SLC6A9: variants seen among roughly 807,000 people sequenced by gnomAD.
SLC6A9 encodes solute carrier family 6 member 9, also known as sodium- and chloride-dependent glycine transporter 1.
A neutral mutation model predicts 70.9 loss-of-function variants in SLC6A9; 31 were observed. The observed-to-expected ratio is 0.44, with a 90% CI of 0.33 to 0.59. The LOEUF is 0.59. Ranked by LOEUF, SLC6A9 falls within the 20% of genes least tolerant of loss-of-function variation. SLC6A9 has a pLI of 0.04. For missense variants in SLC6A9, 631 were observed against 845.2 expected (o/e 0.75, Z 3.14); for synonymous variants, 310 against 341.3 (o/e 0.91, Z 1.01).
At chr1:43,999,871 G>A (rs903868249) in intron 12 of SLC6A9, among the ~76,000 whole-genome samples, 1 of 152,112 alleles carries the variant, frequency 6.6e-6, no homozygotes, top group Non-Finnish European at 1.5e-5. Context: ...GTCCTCTGTG[G>A]AGTGACCATT....
chr1:44,027,173 T>C (rs1232498750), intron 1 of SLC6A9, among the ~76,000 whole-genome samples: 3 of 152,142 alleles, frequency 2.0e-5, no homozygotes, highest in Non-Finnish European at 4.4e-5. Flanking sequence ...TGTGGGCCAC[T>C]GTTGACAAGC....
Position 44,002,733 on chromosome 1 carries a change from CT to C in SLC6A9, c.724-88del. ...TGGCTCCCTAATCACCACCAGCCCC[CT>C]GGTCCCTCTCCGGCTCCGGAGTCCC... On this transcript the variant is annotated intron_variant, in intron 6 of 13. Coordinates refer to ENST00000372310, the MANE Select transcript of SLC6A9 (RefSeq NM_001024845.3). This position sits in a 1 kb window ranked among gnomAD's most constrained non-coding sequence, Gnocchi z 5.5. 2 of 1,597,098 alleles carry C rather than the reference CT, an allele frequency of 1.3e-6. No individual in the cohort carries two copies. Among genetic ancestry groups the C allele is most frequent in the South Asian group, 1.1e-5 (1 of 90,378 alleles).
intron 2 of SLC6A9, among the ~76,000 whole-genome samples, chr1:44,021,283 G>T (rs895189332): frequency 6.6e-6 from 1 of 152,198 alleles, no homozygotes; most frequent in African/African-American, 2.4e-5. Context: ...TGGCCAGCTG[G>T]GTTCTCGCAC....
At chr1:44,000,081 C>T (rs1264070479) in intron 12 of SLC6A9, among the ~76,000 whole-genome samples, 1 of 152,228 alleles carries the variant, frequency 6.6e-6, no homozygotes, top group Admixed American at 6.5e-5. Flanking sequence ...AATTACTTAA[C>T]ATCCCCATGC....
At chr1:44,025,469 G>T (rs2086965219) in intron 1 of SLC6A9, among the ~76,000 whole-genome samples, 1 of 150,776 alleles carries the variant, frequency 6.6e-6, no homozygotes, top group Non-Finnish European at 1.5e-5. Context: ...TCCAGCCTGG[G>T]CGACAGAGCA....
At chr1:44,003,515 G>A (rs1300261224) in intron 5 of SLC6A9, among the ~76,000 whole-genome samples, 1 of 152,144 alleles carries the variant, frequency 6.6e-6, no homozygotes, top group Non-Finnish European at 1.5e-5. Context: ...CCAGCACTTT[G>A]GGAGGCCGTG....
At chr1:44,030,876 G>A (rs1206902959) in intron 1 of SLC6A9, among the ~76,000 whole-genome samples, 1 of 152,094 alleles carries the variant, frequency 6.6e-6, no homozygotes, top group Non-Finnish European at 1.5e-5. Context: ...GTCGACCCCT[G>A]CAGGCCCCCA....
rs2086398863 is a variant in SLC6A9 at position 44,008,353 on chromosome 1, C to T, written c.590G>A (p.Arg197Lys). 6.2e-7 allele frequency: 1 copy of T among 1,613,994 alleles called. No homozygotes were observed. The highest frequency in any genetic ancestry group is 8.5e-7 in the Non-Finnish European group (1 of 1,179,912). The change falls in exon 5 of 14, where the codon AGG becomes AAG. Residue 197 changes from arginine (R) to lysine (K), a missense_variant and splice_region_variant. Arg to Lys is a conservative substitution (Grantham distance 26, BLOSUM62 2). Transcript: ENST00000372310. Reference sequence around the variant, plus strand: ...ACCCCAGGTCCTGCAGGTGCCTCACCTCCAGTACTCCTCGCTGGGGCTGGT... The same window carrying T: ...ACCCCAGGTCCTGCAGGTGCCTCACTTCCAGTACTCCTCGCTGGGGCTGGT... Reference protein sequence around the residue: ...QRTSPSEEYWRLYVLKLSDDI... With the variant: ...QRTSPSEEYWKLYVLKLSDDI...
chr1:44,021,846 G>A (rs534627956), intron 2 of SLC6A9, among the ~76,000 whole-genome samples: 1 of 152,272 alleles, frequency 6.6e-6, no homozygotes, highest in Non-Finnish European at 1.5e-5. Flanking sequence ...CTCAGAGGCT[G>A]TGTCTAGAGA....
rs944533151 is a variant in SLC6A9, at chr1:44,013,330, AG to A, written c.31-2449del. Among the ~76,000 whole-genome samples, 19 of 152,146 alleles carry A rather than the reference AG, an allele frequency of 1.2e-4. No individual in the cohort carries two copies. The highest frequency in any genetic ancestry group is 7.9e-4 in the Admixed American group (12 of 15,270). ...CCCTGAAGTCTGCTCCTTCCCTGGC[AG>A]GGGGAGGTACGGGGAAGGTGGTGAT... On this transcript the variant is annotated intron_variant, in intron 2 of 13. Coordinates refer to ENST00000372310, the MANE Select transcript of SLC6A9 (RefSeq NM_001024845.3). This position sits in a 1 kb window ranked among gnomAD's most constrained non-coding sequence, Gnocchi z 5.3.
intron 1 of SLC6A9, among the ~76,000 whole-genome samples, chr1:44,030,909 C>G (rs1037100777): frequency 1.3e-5 from 2 of 152,150 alleles, no homozygotes; most frequent in African/African-American, 4.8e-5. Context: ...ACTGGCTCCT[C>G]GGACGGACAG....
Position 43,997,984 on chromosome 1 carries a change from G to T in SLC6A9, c.1578C>A (p.Thr526=). The T allele has an allele frequency of 6.2e-7, 1 of 1,614,098 alleles. No homozygotes were observed. Among genetic ancestry groups the T allele is most frequent in the South Asian group, 1.1e-5 (1 of 91,082 alleles). The change falls in exon 13 of 14, where the codon ACC becomes ACA. Residue 526 remains threonine (T), a synonymous_variant. Coordinates refer to ENST00000372310, the MANE Select transcript of SLC6A9 (RefSeq NM_001024845.3). This position sits in a 1 kb window ranked among gnomAD's most constrained non-coding sequence, Gnocchi z 4.4. ...VFTVIQYQPI[T]YNHYQYPGWA... ...AGCCTGGGTACTGGTAGTGGTTGTA[G>T]GTGATCGGCTGGTACTGGATCACAG...
intron 12 of SLC6A9, among the ~76,000 whole-genome samples, chr1:43,999,687 G>A (rs955866934): frequency 3.9e-5 from 6 of 152,262 alleles, no homozygotes; most frequent in South Asian, 4.1e-4. Flanking sequence ...ACAACCTACC[G>A]GGTAGAGGCC....
At position 44,002,176 on chromosome 1, in the gene SLC6A9, T is replaced by C; in HGVS notation, c.962+137A>G. The C allele has an allele frequency of 3.0e-6, 2 of 667,852 alleles. No homozygotes were observed. Among genetic ancestry groups the C allele is most frequent in the Middle Eastern group, 5.4e-4 (2 of 3,698 alleles). 41.4% of individuals were successfully genotyped at this position (667,852 alleles called of 1,614,324 possible). A position where few individuals can be genotyped will look rare whatever the true frequency, so the allele number is the denominator to read the frequency against. On this transcript the variant is annotated intron_variant, in intron 8 of 13. Transcript: ENST00000372310. The surrounding 1 kb of genome is among the most constrained non-coding windows in gnomAD (Gnocchi z 5.5). The stretch of plus-strand genomic sequence containing the variant: ...CTCTCCTCATTCTCCAACAACTTTA[T>C]CCAGAACCAGTATTCCCAGAACCTC...
intron 2 of SLC6A9, chr1:44,011,590 T>A (rs956192481): frequency 6.2e-7 from 1 of 1,612,706 alleles, no homozygotes; most frequent in African/African-American, 1.3e-5. Context: ...TGCTGGGCCA[T>A]GAGTTGGGGA....
At chr1:44,028,462 T>TGGGCC (rs2087023339) in intron 1 of SLC6A9, among the ~76,000 whole-genome samples, 1 of 152,080 alleles carries the variant, frequency 6.6e-6, no homozygotes, top group Non-Finnish European at 1.5e-5. Context: ...CAATTAGAAA[T>TGGGCC]GGGCCAGGCC....
chr1:43,998,583 G>A (rs1456315793), intron 12 of SLC6A9, among the ~76,000 whole-genome samples: 1 of 152,268 alleles, frequency 6.6e-6, no homozygotes, highest in Non-Finnish European at 1.5e-5. Flanking sequence ...TCCCCACGGC[G>A]TTTTCCACCT....
chr1:44,001,759 A>C, intron 8 of SLC6A9, 132 bp from the exon 9 acceptor site: 1 of 703,438 alleles, frequency 1.4e-6, no homozygotes, highest in Non-Finnish European at 2.5e-6. Flanking sequence ...ACAGGGTCTC[A>C]CTCTGTTGTC....
rs2086655821 is a variant in SLC6A9, at chr1:44,013,885, T to C, written c.31-3003A>G. 6.6e-6 allele frequency among the ~76,000 whole-genome samples: 1 copy of C among 152,224 alleles called. No individual in the cohort carries two copies. The highest frequency in any genetic ancestry group is 1.5e-5 in the Non-Finnish European group (1 of 68,036). On this transcript the variant is annotated intron_variant, in intron 2 of 13. Coordinates refer to ENST00000372310, the MANE Select transcript of SLC6A9 (RefSeq NM_001024845.3). The surrounding 1 kb of genome is among the most constrained non-coding windows in gnomAD (Gnocchi z 5.3). Reference sequence around the variant, plus strand: ...CAGCTAAATCTTTTTCAATACTGTATGGCTTTTTTTCTCCCTCCTTGCATA... The same window carrying C: ...CAGCTAAATCTTTTTCAATACTGTACGGCTTTTTTTCTCCCTCCTTGCATA...
Sources: allele counts gnomAD v4.1 joint callset (sites outside exome capture counted in the v4.1 genomes callset), GRCh38; gene constraint gnomAD v4.1.1; non-coding constraint Gnocchi (gnomAD v3.1); transcripts MANE v1.5; gene names NCBI Gene and HGNC (gene_info 2026-07-23, HGNC 2026-07-21).